The following BIN1 variants were observed in gnomAD, a reference collection of about 807,000 sequenced individuals.
BIN1 encodes the protein myc box-dependent-interacting protein 1.
A neutral mutation model predicts 82.0 loss-of-function variants in BIN1; 53 were observed. The observed-to-expected ratio is 0.65, with a 90% CI of 0.52 to 0.81. BIN1 has a LOEUF of 0.81. Ranked by LOEUF, BIN1 falls within the 40% of genes least tolerant of loss-of-function variation. The pLI is 0.00. For missense variants in BIN1, 642 were observed against 784.4 expected, an observed-to-expected ratio of 0.82 and a Z score of 2.17; for synonymous variants, 302 against 328.0, an observed-to-expected ratio of 0.92 and a Z score of 0.86.
chr2:127,103,570 C>T (rs2105353823), intron 1 of BIN1, among the ~76,000 whole-genome samples: 1 of 152,304 alleles, frequency 6.6e-6, no homozygotes, highest in South Asian at 2.1e-4. Context: ...TCCTCCTGTG[C>T]TCACTGTCAG....
intron 1 of BIN1, among the ~76,000 whole-genome samples, chr2:127,077,619 T>C (rs1686786056): frequency 6.6e-6 from 1 of 150,996 alleles, no homozygotes; most frequent in African/African-American, 2.4e-5. Flanking sequence ...GAGAGAGAGG[T>C]GGGAGCAGGG....
chr2:127,074,559 G>T (rs1014705997), intron 2 of BIN1, among the ~76,000 whole-genome samples: 1 of 152,206 alleles, frequency 6.6e-6, no homozygotes, highest in Non-Finnish European at 1.5e-5. Flanking sequence ...GTGACTGTTT[G>T]CCCAGAGTCA....
At chr2:127,077,520 A>G (rs1165021906) in intron 1 of BIN1, among the ~76,000 whole-genome samples, 1 of 151,908 alleles carries the variant, frequency 6.6e-6, no homozygotes, top group Non-Finnish European at 1.5e-5. Flanking sequence ...GGCGCTGGCC[A>G]GGACCCTGAG....
rs1210117688 is a variant in BIN1, at chr2:127,070,773, G to A, written c.209C>T (p.Ala70Val). The A allele has an allele frequency of 6.2e-7, 1 of 1,613,638 alleles. No individual in the cohort carries two copies. Among genetic ancestry groups the A allele is most frequent in the South Asian group, 1.1e-5 (1 of 91,062 alleles). ...RLQKDLRTYL[A>V]SVKAMHEASK... ...TGCCTGCCTCCTACCTTTGACGGAG[G>A]CCAGGTAGGTCCGGAGATCCTTCTG... is the stretch of plus-strand genomic sequence containing the variant. The change falls in exon 3 of 19, where the codon GCC (alanine) becomes GTC (valine). Residue 70 changes from alanine to valine, a missense_variant. Physicochemically the swap from Ala to Val is moderately conservative, Grantham distance 64. Coordinates refer to ENST00000316724, the MANE Select transcript of BIN1 (RefSeq NM_139343.3).
rs903923410 is a variant in BIN1, at chr2:127,090,628, G to A, written c.85-13922C>T. On this transcript the variant is annotated intron_variant, in intron 1 of 18. Coordinates refer to ENST00000316724, the MANE Select transcript of BIN1 (RefSeq NM_139343.3). The surrounding 1 kb of genome is among the most constrained non-coding windows in gnomAD (Gnocchi z 6.4). ...TCATCACCTGCTTCCTGAGCTCAGT[G>A]GGGGAACAGCCTGTGCTGGGAGGAG... Among the ~76,000 whole-genome samples, 3 of 152,182 alleles carry A rather than the reference G, an allele frequency of 2.0e-5. No homozygotes were observed. Among genetic ancestry groups the A allele is most frequent in the Admixed American group, 2.0e-4 (3 of 15,282 alleles).
chr2:127,061,662 C>T (rs906965704), intron 10 of BIN1, among the ~76,000 whole-genome samples: 4 of 152,170 alleles, frequency 2.6e-5, no homozygotes, highest in Non-Finnish European at 5.9e-5. Context: ...AGAGGATGCT[C>T]GTGTGGTTGA....
At chr2:127,060,580 C>T (rs779163000) in intron 10 of BIN1, 11 of 1,614,082 alleles carry the variant, frequency 6.8e-6, no homozygotes, top group Non-Finnish European at 8.5e-6. Flanking sequence ...CCCTCCGCAG[C>T]ACTCACTGCC....
chr2:127,059,098 G>A lies in BIN1; in HGVS notation c.915C>T (p.Ala305=), dbSNP rs761585447. The change falls in exon 11 of 19, where the codon GCC becomes GCT. Residue 305 remains alanine, a synonymous_variant. Coordinates refer to ENST00000316724, the MANE Select transcript of BIN1 (RefSeq NM_139343.3). This position sits in a 1 kb window ranked among gnomAD's most constrained non-coding sequence, Gnocchi z 6.7. The stretch of plus-strand genomic sequence containing the variant: ...GGTTGACTCTGATCTCGGGGGTGGC[G>A]GCAGGGGAGCCATCTGGAGGCGAAG... ...KSPSPPDGSP[A]ATPEIRVNHE... 113 of 1,593,556 alleles carry A rather than the reference G, an allele frequency of 7.1e-5. No individual in the cohort carries two copies. Among genetic ancestry groups the A allele is most frequent in the Middle Eastern group, 4.9e-4 (3 of 6,066 alleles).
chr2:127,091,127 A>C (rs1678867654), intron 1 of BIN1, among the ~76,000 whole-genome samples: 1 of 152,102 alleles, frequency 6.6e-6, no homozygotes, highest in Non-Finnish European at 1.5e-5. Context: ...GTATTACTTC[A>C]AACAGTATTG....
intron 1 of BIN1, among the ~76,000 whole-genome samples, chr2:127,099,956 C>G (rs546447120): frequency 1.3e-5 from 2 of 152,044 alleles, no homozygotes; most frequent in Admixed American, 6.6e-5. Context: ...AGCGCCGCCA[C>G]CACGCCAGGC....
chr2:127,057,598 G>C lies in BIN1; in HGVS notation c.1006C>G (p.Arg336Gly). The C allele has an allele frequency of 1.3e-6, 2 of 1,526,658 alleles. No individual in the cohort carries two copies. Among genetic ancestry groups the C allele is most frequent in the Non-Finnish European group, 1.8e-6 (2 of 1,130,974 alleles). The allele number at this position is 1,526,658 out of a possible 1,614,324, so 94.6% of individuals were successfully genotyped here. The stretch of plus-strand genomic sequence containing the variant: ...GGCGGAGGGACTGGTGGGCCTTTCC[G>C]GAGCTGTGGGTCGGCGGCGGGTGAG... ...ATLPKSPSQLRKGPPVPPPPK... is the reference protein window; with the variant it reads ...ATLPKSPSQLGKGPPVPPPPK... Residue 336 changes from arginine to glycine, a missense_variant, in exon 12 of 19, where the codon CGG (arginine) becomes GGG (glycine). Coordinates refer to ENST00000316724, the MANE Select transcript of BIN1 (RefSeq NM_139343.3). The surrounding 1 kb of genome is among the most constrained non-coding windows in gnomAD (Gnocchi z 5.0).
At chr2:127,054,990 T>C (rs1206736754) in intron 12 of BIN1, 1 of 152,298 alleles carries the variant, frequency 6.6e-6, no homozygotes, top group Non-Finnish European at 1.5e-5. Flanking sequence ...CTCCATCTTG[T>C]ACCTGGGGCT....
rs1379062369 is a variant in BIN1 at position 127,093,248 on chromosome 2, T to A, written c.84+13612A>T. ...CACTGCAGACTCTGAACAAAGGGCATGTGAAAGGCCTCAGAGGTAAGCTCT... is the reference window on the plus strand; with the variant it reads ...CACTGCAGACTCTGAACAAAGGGCAAGTGAAAGGCCTCAGAGGTAAGCTCT... On this transcript the variant is annotated intron_variant, in intron 1 of 18. Coordinates refer to ENST00000316724, the MANE Select transcript of BIN1 (RefSeq NM_139343.3). This position sits in a 1 kb window ranked among gnomAD's most constrained non-coding sequence, Gnocchi z 5.7. 1.3e-5 allele frequency among the ~76,000 whole-genome samples: 2 copies of A among 152,222 alleles called. No individual in the cohort carries two copies. The highest frequency in any genetic ancestry group is 2.9e-5 in the Non-Finnish European group (2 of 68,034).
chr2:127,065,640 C>G (rs531286453), intron 7 of BIN1, among the ~76,000 whole-genome samples: 122 of 152,308 alleles, frequency 8.0e-4, no homozygotes, highest in African/African-American at 2.8e-3. Flanking sequence ...CCCACTAGGA[C>G]CCCCTCTCCA....
chr2:127,074,309 C>G (rs1049456646), intron 2 of BIN1, among the ~76,000 whole-genome samples: 9 of 152,156 alleles, frequency 5.9e-5, no homozygotes, highest in African/African-American at 2.2e-4. Context: ...ACACACCAAT[C>G]AAATCCAGAA....
intron 18 of BIN1, among the ~76,000 whole-genome samples, chr2:127,049,186 T>C (rs1017850797): frequency 2.6e-5 from 4 of 152,340 alleles, no homozygotes; most frequent in Admixed American, 6.5e-5. Context: ...GCCTGGGGCC[T>C]ACCTGGGTCT....
intron 1 of BIN1, among the ~76,000 whole-genome samples, chr2:127,087,790 T>A (rs1357941311): frequency 6.6e-6 from 1 of 151,998 alleles, no homozygotes; most frequent in Non-Finnish European, 1.5e-5. Context: ...AGCCCTTGGA[T>A]TTTATCAGCC....
chr2:127,084,532 A>G (rs1016012137), intron 1 of BIN1, among the ~76,000 whole-genome samples: 1 of 152,128 alleles, frequency 6.6e-6, no homozygotes, highest in African/African-American at 2.4e-5. Context: ...CATTTCTCCA[A>G]GGAACCCTGA....
At chr2:127,104,893 T>C (rs755519138) in intron 1 of BIN1, among the ~76,000 whole-genome samples, 1 of 152,108 alleles carries the variant, frequency 6.6e-6, no homozygotes, top group Non-Finnish European at 1.5e-5. Flanking sequence ...TGGTTTCTGA[T>C]GGGGGGAGGG....
Sources: allele counts gnomAD v4.1 joint callset (sites outside exome capture counted in the v4.1 genomes callset), GRCh38; gene constraint gnomAD v4.1.1; non-coding constraint Gnocchi (gnomAD v3.1); transcripts MANE v1.5; gene names NCBI Gene and HGNC (gene_info 2026-07-23, HGNC 2026-07-21).